Variants in SETBP1 observed in about 807,000 individuals in gnomAD.
SETBP1 encodes SET-binding protein.
Under a neutral mutation model 101.0 loss-of-function variants are expected in SETBP1, and 9 were observed. The observed-to-expected ratio is 0.09, with a 90% CI of 0.05 to 0.16. The LOEUF (loss-of-function observed/expected upper bound fraction) is 0.16, where lower values mean the gene tolerates loss of function less well. Ranked by LOEUF, SETBP1 falls within the 10% of genes least tolerant of loss-of-function variation. The pLI is 1.00. For synonymous variants in SETBP1, 818 were observed against 788.5 expected, an observed-to-expected ratio of 1.04 and a Z score of -0.63; for missense variants, 1,858 against 2,033.8, an observed-to-expected ratio of 0.91 and a Z score of 1.66.
chr18:45,029,372 T>A (rs1208997635), intron 4 of SETBP1, among the ~76,000 whole-genome samples: 4 of 152,032 alleles, frequency 2.6e-5, no homozygotes, highest in Non-Finnish European at 5.9e-5. Context: ...TTGATCTATA[T>A]CTCTGTTTTG....
rs2073938391 is a variant in SETBP1 at position 45,064,207 on chromosome 18, T to C, written c.*509T>C. 6.5e-6 allele frequency: 1 copy of C among 153,204 alleles called. No individual in the cohort carries two copies. The highest frequency in any genetic ancestry group is 1.5e-5 in the Non-Finnish European group (1 of 68,470). 9.5% of individuals were successfully genotyped at this position (153,204 alleles called of 1,614,324 possible). ...TTTCAAGCTCTGCTAAGCTTTGGGG[T>C]ACCAACGTCATCTTCAGGTGACCTG... On this transcript the variant is annotated 3_prime_UTR_variant, in exon 6 of 6. Coordinates refer to ENST00000649279, the MANE Select transcript of SETBP1 (RefSeq NM_015559.3).
chr18:44,725,097 C>T (rs895723805), intron 2 of SETBP1, among the ~76,000 whole-genome samples: 1 of 152,230 alleles, frequency 6.6e-6, no homozygotes, highest in Admixed American at 6.5e-5. Context: ...TTAGTAGCTG[C>T]CCATAGAGTT....
chr18:44,989,487 C>G (rs184630439), intron 4 of SETBP1, among the ~76,000 whole-genome samples: 51 of 151,948 alleles, frequency 3.4e-4, no homozygotes, highest in Non-Finnish European at 6.5e-4. Context: ...TTTATTGACG[C>G]TCCAGAAAAG....
At chr18:44,881,031 A>T (rs2069519771) in intron 3 of SETBP1, among the ~76,000 whole-genome samples, 2 of 152,326 alleles carry the variant, frequency 1.3e-5, no homozygotes, top group Non-Finnish European at 2.9e-5. Flanking sequence ...AAATCCCTTA[A>T]CAAAAATTCA....
chr18:44,752,208 C>A (rs532782977), intron 2 of SETBP1, among the ~76,000 whole-genome samples: 1 of 152,302 alleles, frequency 6.6e-6, no homozygotes, highest in South Asian at 2.1e-4. Flanking sequence ...GAATTACCCG[C>A]CCAATCCAGG....
intron 2 of SETBP1, among the ~76,000 whole-genome samples, chr18:44,842,225 G>A (rs766740453): frequency 2.6e-5 from 4 of 152,320 alleles, no homozygotes; most frequent in East Asian, 1.9e-4. Flanking sequence ...CAGGCTTCCC[G>A]TGCTTGCCCC....
intron 3 of SETBP1, chr18:44,877,103 G>A (rs1434323408): frequency 9.9e-7 from 1 of 1,013,954 alleles, no homozygotes; most frequent in Non-Finnish European, 1.2e-6. Context: ...GCTATGCCAT[G>A]GATCTTTGCT....
At chr18:44,707,202 A>G (rs1472524986) in intron 2 of SETBP1, among the ~76,000 whole-genome samples, 1 of 152,156 alleles carries the variant, frequency 6.6e-6, no homozygotes, top group Non-Finnish European at 1.5e-5. Context: ...ACACCCTATA[A>G]AAGTAAAGGA....
At chr18:44,846,465 A>G (rs1487944482) in intron 2 of SETBP1, among the ~76,000 whole-genome samples, 4 of 152,156 alleles carry the variant, frequency 2.6e-5, no homozygotes, top group Admixed American at 6.5e-5. Context: ...TTCTGTTTCT[A>G]TGGATTTGCC....
chr18:44,855,257 T>TG (rs2072952193), intron 2 of SETBP1, among the ~76,000 whole-genome samples: 4 of 152,114 alleles, frequency 2.6e-5, no homozygotes, highest in Admixed American at 2.0e-4. Flanking sequence ...ATAAGGACTT[T>TG]GGGTTTTTTT....
At chr18:44,857,579 G>C (rs2073003661) in intron 2 of SETBP1, among the ~76,000 whole-genome samples, 1 of 152,124 alleles carries the variant, frequency 6.6e-6, no homozygotes, top group Non-Finnish European at 1.5e-5. Flanking sequence ...AAAGGGTTTG[G>C]GCATGTGATT....
intron 3 of SETBP1, among the ~76,000 whole-genome samples, chr18:44,931,515 A>G (rs1451875722): frequency 6.6e-6 from 1 of 152,104 alleles, no homozygotes; most frequent in African/African-American, 2.4e-5. Context: ...TGTCTCGTTG[A>G]TCTGTCTAAT....
intron 3 of SETBP1, among the ~76,000 whole-genome samples, chr18:44,891,442 G>A (rs550834127): frequency 6.6e-6 from 1 of 152,212 alleles, no homozygotes; most frequent in African/African-American, 2.4e-5. Flanking sequence ...GCAGTGCTTA[G>A]ATTTTACCTC....
At chr18:44,992,499 T>C (rs1197665033) in intron 4 of SETBP1, among the ~76,000 whole-genome samples, 2 of 151,592 alleles carry the variant, frequency 1.3e-5, no homozygotes, top group Admixed American at 6.6e-5. Flanking sequence ...GGGAGAGAAG[T>C]AAAAAGAAAA....
In SETBP1 at chr18:45,054,969, A is replaced by C. The variant is rs532465146; in HGVS notation, c.4172-8110A>C. ...CCTCACTGCCATGGAATTGCATGCA[A>C]CTCAATTAAAGGTGTTCTGGGGAAT... On this transcript the variant is annotated intron_variant, in intron 5 of 5. Transcript: ENST00000649279. 2.0e-5 allele frequency among the ~76,000 whole-genome samples: 3 copies of C among 152,286 alleles called. No homozygotes were observed. The South Asian group carries it at 6.2e-4, about 32-fold the overall frequency.
chr18:44,698,499 G>A (rs1207142447), intron 1 of SETBP1, among the ~76,000 whole-genome samples: 1 of 152,082 alleles, frequency 6.6e-6, no homozygotes, highest in Non-Finnish European at 1.5e-5. Context: ...TCAATTCCCT[G>A]TTTCTTCTGC....
chr18:44,968,347 G>T (rs970060352), intron 4 of SETBP1, among the ~76,000 whole-genome samples: 2 of 152,168 alleles, frequency 1.3e-5, no homozygotes, highest in Non-Finnish European at 2.9e-5. Flanking sequence ...ATTAGTAGAT[G>T]TACAAGAAGA....
At chr18:44,740,698 A>G (rs1015407471) in intron 2 of SETBP1, among the ~76,000 whole-genome samples, 2 of 152,198 alleles carry the variant, frequency 1.3e-5, no homozygotes, top group African/African-American at 4.8e-5. Context: ...ATTGGAGTTT[A>G]TTTGTGGAAA....
intron 2 of SETBP1, among the ~76,000 whole-genome samples, chr18:44,842,090 G>A (rs1466329704): frequency 6.6e-6 from 1 of 152,162 alleles, no homozygotes; most frequent in Non-Finnish European, 1.5e-5. Flanking sequence ...TTTATTGTTC[G>A]GTAAAGAGAA....
Sources: gnomAD v4.1 joint callset for allele counts (sites outside exome capture counted in the v4.1 genomes callset) on GRCh38, gnomAD v4.1.1 for gene constraint, MANE v1.5 for transcripts, NCBI Gene and HGNC (gene_info 2026-07-23, HGNC 2026-07-21) for gene names.